Variants in CLASP2 observed in about 807,000 individuals in gnomAD.
CLASP2 encodes CLIP-associating protein 2.
Under a neutral mutation model 194.4 loss-of-function variants are expected in CLASP2, and 47 were observed. That is an observed-to-expected ratio of 0.24 (90% CI 0.19 to 0.31). CLASP2 has a LOEUF of 0.31. Among genes scored for constraint, CLASP2 ranks in the 10% least tolerant of loss-of-function variants. The pLI is 1.00. For synonymous variants in CLASP2, 619 were observed against 633.5 expected, an observed-to-expected ratio of 0.98 and a Z score of 0.34; for missense variants, 1,445 against 1,823.6, an observed-to-expected ratio of 0.79 and a Z score of 3.78.
chr3:33,527,832 A>G (rs2055007955), intron 34 of CLASP2, among the ~76,000 whole-genome samples: 1 of 152,084 alleles, frequency 6.6e-6, no homozygotes, highest in Admixed American at 6.6e-5. Flanking sequence ...ACGTGGTGGC[A>G]TGCACCTGTA....
chr3:33,702,216 T>A (rs2092424685), intron 1 of CLASP2, among the ~76,000 whole-genome samples: 1 of 152,082 alleles, frequency 6.6e-6, no homozygotes, highest in African/African-American at 2.4e-5. Flanking sequence ...AGACTCAAAT[T>A]TCCCAATTTC....
chr3:33,596,859 G>A, intron 18 of CLASP2, 125 bp from the exon 19 acceptor site: 4 of 710,338 alleles, frequency 5.6e-6, no homozygotes, highest in Non-Finnish European at 9.1e-6. Flanking sequence ...TATATATCAA[G>A]CTTGTTTTCA....
At chr3:33,517,198 T>C (rs752629081) in intron 34 of CLASP2, 24 bp from the exon 35 acceptor site, 2 of 1,569,798 alleles carry the variant, frequency 1.3e-6, no homozygotes, top group Non-Finnish European at 8.6e-7. Flanking sequence ...ATGGTATTAG[T>C]TCTATAACTT....
chr3:33,656,344 G>T (rs2154327462), intron 7 of CLASP2, among the ~76,000 whole-genome samples: 1 of 152,224 alleles, frequency 6.6e-6, no homozygotes, highest in Admixed American at 6.5e-5. Flanking sequence ...CAAAAAGTTG[G>T]CTACAATGCT....
intron 7 of CLASP2, among the ~76,000 whole-genome samples, chr3:33,649,963 C>CA (rs1398306847): frequency 6.6e-6 from 1 of 152,060 alleles, no homozygotes; most frequent in African/African-American, 2.4e-5. Context: ...TGTCTGGCCT[C>CA]AAATTATTCC....
At chr3:33,576,105 G>A (rs2064825319) in intron 24 of CLASP2, 64 bp downstream of exon 24, 1 of 1,259,084 alleles carries the variant, frequency 7.9e-7, no homozygotes, top group South Asian at 1.2e-5. Context: ...GGATAGACTG[G>A]CCTACTCATT....
At chr3:33,589,116 T>C (rs774802505) in intron 21 of CLASP2, among the ~76,000 whole-genome samples, 17 of 152,198 alleles carry the variant, frequency 1.1e-4, no homozygotes, top group Middle Eastern at 6.8e-3. Flanking sequence ...ATTGTACAGC[T>C]GAAGAAAAAT....
chr3:33,706,787 C>A (rs1260003042), intron 1 of CLASP2, among the ~76,000 whole-genome samples: 1 of 151,732 alleles, frequency 6.6e-6, no homozygotes, highest in African/African-American at 2.4e-5. Context: ...CATAGGGAGA[C>A]CCTATCTCTA....
intron 5 of CLASP2, 35 bp from the exon 6 acceptor site, chr3:33,684,491 T>C (rs1239512738): frequency 3.0e-6 from 4 of 1,349,326 alleles, no homozygotes; most frequent in South Asian, 2.6e-5. Flanking sequence ...AATAAACTTA[T>C]ATATGATACA....
intron 1 of CLASP2, among the ~76,000 whole-genome samples, chr3:33,706,170 C>T (rs1455772254): frequency 2.6e-5 from 4 of 152,054 alleles, no homozygotes; most frequent in Admixed American, 1.3e-4. Context: ...ATCACCTGAG[C>T]CCGGGACGTC....
At chr3:33,535,035 T>C (rs990599772) in intron 34 of CLASP2, among the ~76,000 whole-genome samples, 198 bp downstream of exon 34, 7 of 152,220 alleles carry the variant, frequency 4.6e-5, no homozygotes, top group African/African-American at 1.7e-4. Context: ...GATCTCAAGA[T>C]GACTACCCTG....
intron 6 of CLASP2, among the ~76,000 whole-genome samples, chr3:33,671,368 A>G (rs1316731764): frequency 6.6e-6 from 1 of 152,232 alleles, no homozygotes; most frequent in African/African-American, 2.4e-5. Context: ...AGACAAAAAA[A>G]AGAGAGAGCA....
At chr3:33,516,930 T>A in intron 35 of CLASP2, 51 bp downstream of exon 35, 1 of 1,455,872 alleles carries the variant, frequency 6.9e-7, no homozygotes. Flanking sequence ...TAACAGGCAA[T>A]GTAAAAGAGA....
chr3:33,631,864 A>C (rs2079152015), intron 9 of CLASP2, among the ~76,000 whole-genome samples: 2 of 149,086 alleles, frequency 1.3e-5, no homozygotes, highest in African/African-American at 5.2e-5. Flanking sequence ...AAAAAAAAGC[A>C]CTGAGTAAAA....
At chr3:33,645,836 T>G (rs921668655) in intron 7 of CLASP2, among the ~76,000 whole-genome samples, 7 of 151,996 alleles carry the variant, frequency 4.6e-5, no homozygotes, top group African/African-American at 1.7e-4. Context: ...CAAAACAATT[T>G]GTTTTCATAA....
At chr3:33,551,446 C>A in intron 29 of CLASP2, 51 bp from the exon 30 acceptor site, 1 of 1,520,874 alleles carries the variant, frequency 6.6e-7, no homozygotes, top group Non-Finnish European at 8.9e-7. Context: ...TATTGTGAGA[C>A]ACTAGAGAAC....
chr3:33,585,808 T>C (rs1467249629), intron 21 of CLASP2, among the ~76,000 whole-genome samples: 1 of 151,264 alleles, frequency 6.6e-6, no homozygotes, highest in Admixed American at 6.6e-5. Context: ...ATGACTGTAT[T>C]AAAAAAAAAC....
In CLASP2 at chr3:33,688,288, T is replaced by G. The variant is rs1456530207; in HGVS notation, c.459A>C (p.Glu153Asp). 6.4e-7 allele frequency: 1 copy of G among 1,569,434 alleles called. No individual in the cohort carries two copies. Residue 153 changes from glutamate (E) to aspartate (D), a missense_variant, in exon 4 of 39, where the codon GAA (glutamate) becomes GAC (aspartate). Coordinates refer to ENST00000682230, the MANE Select transcript of CLASP2 (RefSeq NM_001365631.1). Reference sequence around the variant, plus strand: ...ATCATAAAACTTACATGTTTAAGGTTTCAATAAGACACAGACACACGCCTT... The same window carrying G: ...ATCATAAAACTTACATGTTTAAGGTGTCAATAAGACACAGACACACGCCTT... ...SREGVCLCLI[E>D]TLNIFGAQPL...
In CLASP2 at chr3:33,684,460, TC is replaced by T; in HGVS notation, c.547-5del. The T allele has an allele frequency of 6.4e-7, 1 of 1,563,488 alleles. No individual in the cohort carries two copies. The highest frequency in any genetic ancestry group is 1.8e-5 in the Admixed American group (1 of 54,490). ...CCAATATTGCAGCATCTCTCACCTG[TC>T]AAAGAATTCAGAACTTTTTAATAAA... On this transcript the variant is annotated splice_polypyrimidine_tract_variant and splice_region_variant and intron_variant, in intron 5 of 38. Coordinates refer to ENST00000682230, the MANE Select transcript of CLASP2 (RefSeq NM_001365631.1).
Sources: gnomAD v4.1 joint callset for allele counts (sites outside exome capture counted in the v4.1 genomes callset) on GRCh38, gnomAD v4.1.1 for gene constraint, MANE v1.5 for transcripts, NCBI Gene and HGNC (gene_info 2026-07-23, HGNC 2026-07-21) for gene names.